The following FBXW4 variants were observed in gnomAD, a reference collection of about 807,000 sequenced individuals.
The protein encoded by FBXW4 is F-box and WD repeat domain containing 4, also known as F-box/WD repeat-containing protein 4.
Under a neutral mutation model 61.8 loss-of-function variants are expected in FBXW4, and 40 were observed. That is an observed-to-expected ratio of 0.65 (90% CI 0.50 to 0.84). FBXW4 has a LOEUF of 0.84. Among genes scored for constraint, FBXW4 ranks in the 40% least tolerant of loss-of-function variants. FBXW4 has a pLI of 0.00. For missense variants in FBXW4, 672 were observed against 753.8 expected (o/e 0.89, Z 1.27); for synonymous variants, 311 against 313.8 (o/e 0.99, Z 0.10).
intron 5 of FBXW4, among the ~76,000 whole-genome samples, chr10:101,638,103 G>A (rs147563194): frequency 6.6e-6 from 1 of 152,250 alleles, no homozygotes; most frequent in East Asian, 1.9e-4. Context: ...ATCTTTCTAA[G>A]TGTCTTTCCT....
At chr10:101,613,803 ACTG>A (rs1193863793) in intron 6 of FBXW4, among the ~76,000 whole-genome samples, 1 of 152,218 alleles carries the variant, frequency 6.6e-6, no homozygotes, top group Non-Finnish European at 1.5e-5. Context: ...GGCCAGGAGC[ACTG>A]CTGCTGCCAG....
intron 5 of FBXW4, among the ~76,000 whole-genome samples, chr10:101,651,849 T>C (rs1226393259): frequency 6.6e-6 from 1 of 152,112 alleles, no homozygotes; most frequent in East Asian, 1.9e-4. Context: ...GAAAATCGGC[T>C]GGCCCATTGT....
intron 6 of FBXW4, among the ~76,000 whole-genome samples, chr10:101,616,823 A>G (rs1240971121): frequency 6.6e-6 from 1 of 152,258 alleles, no homozygotes; most frequent in East Asian, 1.9e-4. Flanking sequence ...GCTTTTGAAC[A>G]AACAGTGATT....
intron 1 of FBXW4, among the ~76,000 whole-genome samples, chr10:101,678,377 A>C (rs2064437984): frequency 6.6e-6 from 1 of 152,180 alleles, no homozygotes; most frequent in Non-Finnish European, 1.5e-5. Context: ...GATAACTGCC[A>C]TGTCTGCCTG....
intron 5 of FBXW4, among the ~76,000 whole-genome samples, chr10:101,627,329 T>C (rs949619951): frequency 3.3e-5 from 5 of 152,172 alleles, no homozygotes; most frequent in Non-Finnish European, 5.9e-5. Flanking sequence ...TTCCTGGCAC[T>C]TAGGAGGACT....
chr10:101,633,060 T>C (rs1358534671), intron 5 of FBXW4, among the ~76,000 whole-genome samples: 1 of 152,230 alleles, frequency 6.6e-6, no homozygotes, highest in Non-Finnish European at 1.5e-5. Context: ...AGTAATCATG[T>C]GATCCAGAGT....
In FBXW4 at chr10:101,667,896, G is replaced by A; in HGVS notation, c.1225C>T (p.Pro409Ser). ...ATATGTCTCCCTTACCTGAGTAATG[G>A]GCTGATAGCAATGGACCAGACTCGG... ...EDRVWSIAIS[P>S]LLSSFVTGTA... The change falls in exon 5 of 9, where the codon CCA (proline) becomes TCA (serine). Residue 409 changes from proline (P) to serine (S), a missense_variant. Around this residue, in one of 5 missense-constraint regions of FBXW4, gnomAD observed 312 missense variants for 370.1 expected, o/e 0.84. Transcript: ENST00000331272. 1 of 1,613,818 alleles carries A rather than the reference G, an allele frequency of 6.2e-7. No homozygotes were observed. Among genetic ancestry groups the A allele is most frequent in the Non-Finnish European group, 8.5e-7 (1 of 1,179,718 alleles).
At chr10:101,692,669 C>T (rs1210773199) in intron 1 of FBXW4, among the ~76,000 whole-genome samples, 2 of 148,092 alleles carry the variant, frequency 1.4e-5, no homozygotes, top group African/African-American at 2.5e-5. Context: ...GCAGGAGAAC[C>T]GCTTGAACCC....
At chr10:101,618,554 G>A (rs1169969964) in intron 6 of FBXW4, among the ~76,000 whole-genome samples, 1 of 152,092 alleles carries the variant, frequency 6.6e-6, no homozygotes, top group Non-Finnish European at 1.5e-5. Context: ...AAGTGGAGGT[G>A]TAACATGGGA....
chr10:101,689,635 A>G (rs1292651461), intron 1 of FBXW4, among the ~76,000 whole-genome samples: 1 of 152,220 alleles, frequency 6.6e-6, no homozygotes, highest in African/African-American at 2.4e-5. Context: ...TTGTTTTCTG[A>G]AGATCACAGT....
intron 1 of FBXW4, among the ~76,000 whole-genome samples, chr10:101,690,947 T>C (rs564319945): frequency 6.6e-6 from 1 of 152,294 alleles, no homozygotes; most frequent in African/African-American, 2.4e-5. Flanking sequence ...AAAGTTCCGT[T>C]TTACAATTTA....
intron 5 of FBXW4, among the ~76,000 whole-genome samples, chr10:101,631,838 A>G (rs539486264): frequency 8.5e-5 from 13 of 152,178 alleles, no homozygotes; most frequent in Non-Finnish European, 1.3e-4. Context: ...CGTGTTAGCC[A>G]GGATGGTCTT....
intron 1 of FBXW4, among the ~76,000 whole-genome samples, chr10:101,684,326 C>A (rs753336353): frequency 2.0e-5 from 3 of 152,224 alleles, no homozygotes; most frequent in Non-Finnish European, 4.4e-5. Context: ...CAGAGTTTCA[C>A]CATGTTAGCC....
At chr10:101,655,498 ATG>A (rs1166442151) in intron 5 of FBXW4, among the ~76,000 whole-genome samples, 3 of 152,162 alleles carry the variant, frequency 2.0e-5, no homozygotes, top group South Asian at 4.1e-4. Flanking sequence ...GCATTAACAC[ATG>A]TGTGTCTTCC....
At position 101,694,983 on chromosome 10, in the gene FBXW4, C is replaced by A; in HGVS notation, c.123G>T (p.Gly41=). The A allele has an allele frequency of 8.6e-7, 1 of 1,163,918 alleles. No individual in the cohort carries two copies. The highest frequency in any genetic ancestry group is 1.6e-5 in the African/African-American group (1 of 63,006). 72.1% of individuals were successfully genotyped at this position (1,163,918 alleles called of 1,614,324 possible). ...CTTGCCCCGCTCTCGCTTTTCCCTT[C>A]CCCTTCCCCTTCCTTCGCTTCCCCC... ...VARGKRRKGK[G]KGKARAGQGG... Residue 41 remains glycine, a synonymous_variant, in exon 1 of 9, where the codon GGG becomes GGT. Coordinates refer to ENST00000331272, the MANE Select transcript of FBXW4 (RefSeq NM_022039.4). This position sits in a 1 kb window ranked among gnomAD's most constrained non-coding sequence, Gnocchi z 6.0.
intron 5 of FBXW4, among the ~76,000 whole-genome samples, chr10:101,638,434 T>C (rs1247253768): frequency 6.6e-6 from 1 of 151,112 alleles, no homozygotes; most frequent in Non-Finnish European, 1.5e-5. Context: ...CTATATGATA[T>C]CTGCTATTTG....
At chr10:101,655,961 A>G (rs1045984745) in intron 5 of FBXW4, among the ~76,000 whole-genome samples, 34 of 152,226 alleles carry the variant, frequency 2.2e-4, no homozygotes, top group Non-Finnish European at 4.0e-4. Flanking sequence ...TGAAGAAGCG[A>G]GGAAGGAACA....
At chr10:101,646,644 C>T (rs1303929583) in intron 5 of FBXW4, among the ~76,000 whole-genome samples, 2 of 152,194 alleles carry the variant, frequency 1.3e-5, no homozygotes, top group Non-Finnish European at 2.9e-5. Context: ...CCTTTTGGCA[C>T]CAGCTTCCTT....
At chr10:101,626,325 C>T (rs2063907284) in intron 5 of FBXW4, 1 of 152,700 alleles carries the variant, frequency 6.5e-6, no homozygotes, top group Admixed American at 6.5e-5. Context: ...GTTGCCCTCT[C>T]CTCCCTCCCC....
Sources: allele counts gnomAD v4.1 joint callset (sites outside exome capture counted in the v4.1 genomes callset), GRCh38; gene constraint gnomAD v4.1.1; regional missense constraint gnomAD v4.1.1; non-coding constraint Gnocchi (gnomAD v3.1); transcripts MANE v1.5; gene names NCBI Gene and HGNC (gene_info 2026-07-23, HGNC 2026-07-21).